ARHGAP39: variants seen among roughly 807,000 people sequenced by gnomAD.
ARHGAP39 encodes Rho GTPase activating protein 39, also known as rho GTPase-activating protein 39.
ARHGAP39 carries 44 observed loss-of-function variants against 106.9 expected under a neutral mutation model. That is an observed-to-expected ratio of 0.41 (90% CI 0.32 to 0.53). ARHGAP39 has a LOEUF of 0.53. Ranked by LOEUF, ARHGAP39 falls within the 20% of genes least tolerant of loss-of-function variation. The probability of loss-of-function intolerance (pLI) is 0.21; values close to 1 mark genes in which losing one functional copy is unlikely to be tolerated. For synonymous variants in ARHGAP39, 768 were observed against 693.2 expected (o/e 1.11, Z -1.69); for missense variants, 1,496 against 1,577.3 (o/e 0.95, Z 0.87).
At chr8:144,542,388 G>A (rs1045349013) in intron 6 of ARHGAP39, among the ~76,000 whole-genome samples, 5 of 152,218 alleles carry the variant, frequency 3.3e-5, no homozygotes, top group Non-Finnish European at 7.3e-5. Flanking sequence ...GCTGGCCGAT[G>A]AGTCAAAGGC....
At chr8:144,544,466 G>A (rs536896365) in intron 6 of ARHGAP39, among the ~76,000 whole-genome samples, 1 of 152,236 alleles carries the variant, frequency 6.6e-6, no homozygotes, top group Non-Finnish European at 1.5e-5. Flanking sequence ...GACCTGGAGG[G>A]TGTGTGTGCG....
chr8:144,622,090 C>T (rs1253104426), intron 1 of ARHGAP39, among the ~76,000 whole-genome samples: 1 of 152,200 alleles, frequency 6.6e-6, no homozygotes, highest in Non-Finnish European at 1.5e-5. Context: ...AGGAAAGGGA[C>T]AGACACAGAA....
chr8:144,632,273 C>T (rs1214465142), intron 1 of ARHGAP39, among the ~76,000 whole-genome samples: 2 of 152,172 alleles, frequency 1.3e-5, no homozygotes, highest in African/African-American at 4.8e-5. Flanking sequence ...CCAGGAAAGC[C>T]GTGGAGCCCA....
upstream of ARHGAP39, among the ~76,000 whole-genome samples, chr8:144,687,007 T>C (rs1380374545): frequency 2.5e-5 from 2 of 81,158 alleles, no homozygotes; most frequent in Non-Finnish European, 4.5e-5. Context: ...CGGCGACCAT[T>C]TCCCACCCCC....
At chr8:144,569,223 T>C (rs1818504992) in intron 3 of ARHGAP39, among the ~76,000 whole-genome samples, 1 of 152,218 alleles carries the variant, frequency 6.6e-6, no homozygotes, top group Non-Finnish European at 1.5e-5. Context: ...GGGTCAATGA[T>C]GAAGGGACTG....
chr8:144,678,613 G>C (rs1822305005), intron 1 of ARHGAP39, among the ~76,000 whole-genome samples: 1 of 152,208 alleles, frequency 6.6e-6, no homozygotes, highest in Non-Finnish European at 1.5e-5. Context: ...GCACTGGGGA[G>C]CCAGGGAGGA....
chr8:144,540,301 C>A (rs1817135799), intron 6 of ARHGAP39, among the ~76,000 whole-genome samples: 1 of 152,118 alleles, frequency 6.6e-6, no homozygotes, highest in Non-Finnish European at 1.5e-5. Flanking sequence ...GATGTTGAGG[C>A]AGGGGGATCA....
intron 1 of ARHGAP39, among the ~76,000 whole-genome samples, chr8:144,673,431 T>C (rs1226915452): frequency 6.6e-6 from 1 of 152,210 alleles, no homozygotes; most frequent in African/African-American, 2.4e-5. Flanking sequence ...CCAATTAAAG[T>C]ATATGATTTT....
intron 1 of ARHGAP39, among the ~76,000 whole-genome samples, chr8:144,682,366 G>T (rs1311849134): frequency 6.6e-6 from 1 of 150,936 alleles, no homozygotes; most frequent in Non-Finnish European, 1.5e-5. Context: ...TGGCTAACAT[G>T]GTGAAACCCT....
chr8:144,638,587 A>G (rs1388891898), intron 1 of ARHGAP39, among the ~76,000 whole-genome samples: 1 of 152,246 alleles, frequency 6.6e-6, no homozygotes, highest in Non-Finnish European at 1.5e-5. Flanking sequence ...AATGTCTTCC[A>G]GTTCACAAAG....
chr8:144,545,881 A>G, intron 5 of ARHGAP39, 71 bp from the exon 6 acceptor site: 1 of 1,342,376 alleles, frequency 7.4e-7, no homozygotes, highest in Non-Finnish European at 9.9e-7. Context: ...ACTGGGCCAC[A>G]GTCCCCAGAA....
chr8:144,548,393 G>C lies in ARHGAP39; in HGVS notation c.693C>G (p.Gly231=). 1.2e-6 allele frequency: 2 copies of C among 1,610,622 alleles called. No individual in the cohort carries two copies. Among genetic ancestry groups the C allele is most frequent in the Non-Finnish European group, 1.7e-6 (2 of 1,179,252 alleles). The change falls in exon 5 of 12, where the codon GGC becomes GGG. Residue 231 remains glycine, a synonymous_variant. Coordinates refer to ENST00000377307, the MANE Select transcript of ARHGAP39 (RefSeq NM_025251.3). This position sits in a 1 kb window ranked among gnomAD's most constrained non-coding sequence, Gnocchi z 7.4. Reference sequence around the variant, plus strand: ...CCCCAGGTGGGCCGTCTGGGGCGTAGCCATTGCCCTGGGCGGCGAGGAAGC... The same window carrying C: ...CCCCAGGTGGGCCGTCTGGGGCGTACCCATTGCCCTGGGCGGCGAGGAAGC... ...EPSFLAAQGN[G]YAPDGPPGVR...
intron 3 of ARHGAP39, among the ~76,000 whole-genome samples, chr8:144,574,487 G>A (rs889101548): frequency 8.5e-5 from 13 of 152,072 alleles, no homozygotes; most frequent in African/African-American, 2.4e-4. Flanking sequence ...TGGCTAACAC[G>A]GTGCAACCCC....
the ARHGAP39 span, chr8:144,699,152 G>A: frequency 7.2e-6 from 2 of 279,178 alleles, no homozygotes; most frequent in South Asian, 3.0e-5. Context: ...TAAGCCCTGG[G>A]AGATGGGGCA....
At position 144,645,491 on chromosome 8, in the gene ARHGAP39, T is replaced by G. The variant is rs529439687; in HGVS notation, c.-81-39796A>C. On this transcript the variant is annotated intron_variant, in intron 1 of 11. Coordinates refer to ENST00000377307, the MANE Select transcript of ARHGAP39 (RefSeq NM_025251.3). The surrounding 1 kb of genome is among the most constrained non-coding windows in gnomAD (Gnocchi z 4.4). ...TCTCTCCCGGCAGAGTCACTGATGG[T>G]CTCCGTCAGGGCAGAGCCTCCCCGC... 1.5e-5 allele frequency among the ~76,000 whole-genome samples: 2 copies of G among 131,946 alleles called. No homozygotes were observed. Among genetic ancestry groups the G allele is most frequent in the African/African-American group, 3.0e-5 (1 of 33,614 alleles). 86.6% of individuals were successfully genotyped at this position (131,946 alleles called of 152,430 possible). A position where few individuals can be genotyped will look rare whatever the true frequency, so the allele number is the denominator to read the frequency against.
At chr8:144,637,287 T>C (rs1423152920) in intron 1 of ARHGAP39, among the ~76,000 whole-genome samples, 2 of 152,242 alleles carry the variant, frequency 1.3e-5, no homozygotes, top group Non-Finnish European at 2.9e-5. Flanking sequence ...CATGCTTCTG[T>C]TTAGTCTTTT....
rs538763100 is a variant in ARHGAP39 at position 144,682,939 on chromosome 8, C to T, written c.-82+2747G>A. ...GGCTAAGGTGGGAGGATGCCTTGAG[C>T]ACAGGAGGTCAAGGCTGCAGTGAGC... is the stretch of plus-strand genomic sequence containing the variant. On this transcript the variant is annotated intron_variant, in intron 1 of 11. Coordinates refer to ENST00000377307, the MANE Select transcript of ARHGAP39 (RefSeq NM_025251.3). Among the ~76,000 whole-genome samples, 7 of 151,976 alleles carry T rather than the reference C, an allele frequency of 4.6e-5. No homozygotes were observed. In the South Asian group the frequency reaches 1.5e-3, roughly 32 times the overall value.
At position 144,604,784 on chromosome 8, in the gene ARHGAP39, G is replaced by A. The variant is rs963350645; in HGVS notation, c.80+751C>T. On this transcript the variant is annotated intron_variant, in intron 2 of 11. Coordinates refer to ENST00000377307, the MANE Select transcript of ARHGAP39 (RefSeq NM_025251.3). This position sits in a 1 kb window ranked among gnomAD's most constrained non-coding sequence, Gnocchi z 4.1. ...GCCAGATTTACTTGTGGTAACAAGCGTCCTGGGCTACCTGGAAGACGTCCT... is the reference window on the plus strand; with the variant it reads ...GCCAGATTTACTTGTGGTAACAAGCATCCTGGGCTACCTGGAAGACGTCCT... Among the ~76,000 whole-genome samples the A allele has an allele frequency of 2.6e-5, 4 of 152,190 alleles. No homozygotes were observed. Among genetic ancestry groups the A allele is most frequent in the Non-Finnish European group, 5.9e-5 (4 of 68,038 alleles).
In ARHGAP39 at chr8:144,684,723, CAGCAACTGGGA is replaced by C. The variant is rs1442918537; in HGVS notation, c.-82+952_-82+962del. On this transcript the variant is annotated intron_variant, in intron 1 of 11. Transcript: ENST00000377307. This position sits in a 1 kb window ranked among gnomAD's most constrained non-coding sequence, Gnocchi z 4.4. ...AACGCCGCCTCCACCCACAGCACTC[CAGCAACTGGGA>C]AGCAACCGGGAAGCAACCGAGGGAA... Among the ~76,000 whole-genome samples the C allele has an allele frequency of 6.6e-6, 1 of 152,234 alleles. No individual in the cohort carries two copies. The highest frequency in any genetic ancestry group is 2.4e-5 in the African/African-American group (1 of 41,466).
Sources: gnomAD v4.1 joint callset for allele counts (sites outside exome capture counted in the v4.1 genomes callset) on GRCh38, gnomAD v4.1.1 for gene constraint, Gnocchi (gnomAD v3.1) non-coding constraint, MANE v1.5 for transcripts, NCBI Gene and HGNC (gene_info 2026-07-23, HGNC 2026-07-21) for gene names.